Variants in MYOM2 observed in about 807,000 individuals in gnomAD.
The protein encoded by MYOM2 is myomesin-2.
A neutral mutation model predicts 187.6 loss-of-function variants in MYOM2; 254 were observed. The ratio of observed to expected loss-of-function variants is 1.35; its 90% CI spans 1.22 to 1.50. The LOEUF is 1.50. Among genes scored for constraint, MYOM2 ranks in the 40% most tolerant of loss-of-function variants. The probability of loss-of-function intolerance (pLI) is 0.00; values close to 1 mark genes in which losing one functional copy is unlikely to be tolerated. For missense variants in MYOM2, 2,796 were observed against 1,924.0 expected (o/e 1.45, Z -8.48); for synonymous variants, 981 against 753.8 (o/e 1.30, Z -4.94).
At chr8:2,113,143 G>A (rs935851878) in intron 25 of MYOM2, among the ~76,000 whole-genome samples, 6 of 152,304 alleles carry the variant, frequency 3.9e-5, no homozygotes, top group South Asian at 4.1e-4. Flanking sequence ...AGCCGAGGCC[G>A]GGCATCCACA....
intron 28 of MYOM2, among the ~76,000 whole-genome samples, chr8:2,118,217 C>T (rs760287203): frequency 4.6e-5 from 7 of 151,984 alleles, no homozygotes; most frequent in African/African-American, 7.3e-5. Context: ...TTTACTTAAA[C>T]GATTATTAAG....
At chr8:2,098,274 T>A (rs1280625607) in intron 18 of MYOM2, among the ~76,000 whole-genome samples, 1 of 152,100 alleles carries the variant, frequency 6.6e-6, no homozygotes, top group Non-Finnish European at 1.5e-5. Flanking sequence ...GCTCGTAGTG[T>A]TGGTCAAAGG....
intron 3 of MYOM2, among the ~76,000 whole-genome samples, chr8:2,056,792 C>T (rs1818680793): frequency 6.6e-6 from 1 of 152,114 alleles, no homozygotes; most frequent in Non-Finnish European, 1.5e-5. Flanking sequence ...CCCAGTAGCA[C>T]CTAACAGTTT....
intron 14 of MYOM2, among the ~76,000 whole-genome samples, chr8:2,088,425 C>A (rs187194475): frequency 8.2e-4 from 125 of 152,328 alleles, no homozygotes; most frequent in African/African-American, 2.8e-3. Context: ...TTTTTCAGCC[C>A]TTGCTCTGTC....
intron 10 of MYOM2, among the ~76,000 whole-genome samples, chr8:2,075,237 C>A (rs766195841): frequency 1.2e-4 from 18 of 152,150 alleles, no homozygotes; most frequent in African/African-American, 3.4e-4. Context: ...TGTTGTTAGG[C>A]GGGCGTTAAA....
chr8:2,128,479 C>G (rs913098296), intron 31 of MYOM2, among the ~76,000 whole-genome samples: 1 of 152,174 alleles, frequency 6.6e-6, no homozygotes, highest in African/African-American at 2.4e-5. Flanking sequence ...ATCTCTACTT[C>G]CAGTTCAGAG....
chr8:2,098,858 T>C lies in MYOM2; in HGVS notation c.2315T>C (p.Val772Ala). The change falls in exon 19 of 37, where the codon GTG becomes GCG. Residue 772 changes from valine to alanine, a missense_variant and splice_region_variant. By Grantham distance (64) the Val-to-Ala change is moderately conservative. Coordinates refer to ENST00000262113, the MANE Select transcript of MYOM2 (RefSeq NM_003970.4). ...TTAATTTAAACAAAATCTGAATAGGTGGACGGCTTGACGGAAGGCTCACTC... is the reference window on the plus strand; with the variant it reads ...TTAATTTAAACAAAATCTGAATAGGCGGACGGCTTGACGGAAGGCTCACTC... ...SSPSKPTILT[V>A]DGLTEGSLYE... 2 of 1,610,928 alleles carry C rather than the reference T, an allele frequency of 1.2e-6. No individual in the cohort carries two copies.
chr8:2,047,444 G>C (rs1383943834), intron 1 of MYOM2, among the ~76,000 whole-genome samples: 2 of 152,182 alleles, frequency 1.3e-5, no homozygotes, highest in Non-Finnish European at 2.9e-5. Flanking sequence ...GATAAAAGTG[G>C]AGTTGAGGGC....
intron 14 of MYOM2, among the ~76,000 whole-genome samples, chr8:2,088,314 G>T (rs1448934037): frequency 6.6e-6 from 1 of 152,154 alleles, no homozygotes; most frequent in Non-Finnish European, 1.5e-5. Flanking sequence ...AGCTTCAGGG[G>T]GTACCTGTGC....
chr8:2,090,175 G>C lies in MYOM2; in HGVS notation c.1812G>C (p.Gln604His). The C allele has an allele frequency of 6.2e-7, 1 of 1,613,464 alleles. No individual in the cohort carries two copies. Among genetic ancestry groups the C allele is most frequent in the East Asian group, 2.2e-5 (1 of 44,856 alleles). Residue 604 changes from glutamine to histidine, a missense_variant, in exon 15 of 37, where the codon CAG becomes CAC. Transcript: ENST00000262113. The stretch of plus-strand genomic sequence containing the variant: ...CTTCGGAGATAACGTCCCCCATTCA[G>C]GCCCAGGATGTGACCGGTGAGCTGT... ...SEPSEITSPI[Q>H]AQDVTVVPSA...
At chr8:2,053,894 C>A (rs1400638450) in intron 3 of MYOM2, among the ~76,000 whole-genome samples, 3 of 152,184 alleles carry the variant, frequency 2.0e-5, no homozygotes, top group African/African-American at 7.2e-5. Context: ...TGGGGAAGAT[C>A]GTTTTGAAAT....
At chr8:2,117,030 T>A (rs1423206469) in intron 27 of MYOM2, among the ~76,000 whole-genome samples, 1 of 152,280 alleles carries the variant, frequency 6.6e-6, no homozygotes, top group Non-Finnish European at 1.5e-5. Flanking sequence ...CCCAAAGTGC[T>A]GGGATTACAG....
At chr8:2,120,689 A>ATATATATATATATATATTTATAATAT in intron 28 of MYOM2, among the ~76,000 whole-genome samples, 1 of 42,412 alleles carries the variant, frequency 2.4e-5, no homozygotes, top group African/African-American at 7.5e-5. Context: ...ATTATATATA[A>ATATATATATATATATATTTATAATAT]ATATATAATA....
At chr8:2,092,556 G>A in intron 16 of MYOM2, 36 bp downstream of exon 16, 3 of 1,604,676 alleles carry the variant, frequency 1.9e-6, no homozygotes, top group Non-Finnish European at 2.6e-6. Context: ...AGTCAGCCTT[G>A]CAGGAGTAGC....
chr8:2,045,873 G>C (rs774281905), intron 1 of MYOM2, among the ~76,000 whole-genome samples: 2 of 152,232 alleles, frequency 1.3e-5, no homozygotes, highest in East Asian at 3.9e-4. Context: ...GGAAGGCACC[G>C]GAGGCAAACG....
chr8:2,142,837 C>T (rs1265244737), intron 35 of MYOM2, among the ~76,000 whole-genome samples: 10 of 150,958 alleles, frequency 6.6e-5, no homozygotes, highest in Non-Finnish European at 1.2e-4. Flanking sequence ...CCCATTGCAA[C>T]CTCTGCCTCC....
At chr8:2,112,124 C>T (rs1324695704) in intron 25 of MYOM2, among the ~76,000 whole-genome samples, 2 of 152,186 alleles carry the variant, frequency 1.3e-5, no homozygotes, top group African/African-American at 2.4e-5. Flanking sequence ...TGTACATCAC[C>T]TGTTGAATAT....
intron 11 of MYOM2, among the ~76,000 whole-genome samples, chr8:2,078,225 C>T (rs915116744): frequency 2.6e-5 from 4 of 152,216 alleles, no homozygotes; most frequent in Non-Finnish European, 4.4e-5. Flanking sequence ...AATGTCCTAA[C>T]ATTATTCTAG....
rs144376387 is a variant in MYOM2, at chr8:2,099,130, G to A, written c.2440+147G>A. The A allele has an allele frequency of 3.1e-4, 338 of 1,106,540 alleles. 1 individual carries two copies. In the African/African-American group the frequency reaches 5.1e-3, roughly 17 times the overall value. The allele number at this position is 1,106,540 out of a possible 1,614,324, so 68.5% of individuals were successfully genotyped here. A position where few individuals can be genotyped will look rare whatever the true frequency, so the allele number is the denominator to read the frequency against. On this transcript the variant is annotated intron_variant, in intron 19 of 36. Coordinates refer to ENST00000262113, the MANE Select transcript of MYOM2 (RefSeq NM_003970.4). Reference sequence around the variant, plus strand: ...GCCGCAGAGCCACCGTGCGCCAGGCGCCGTGCAGGGCTGTGAATCAGGCAG... The same window carrying A: ...GCCGCAGAGCCACCGTGCGCCAGGCACCGTGCAGGGCTGTGAATCAGGCAG...
Sources: allele counts gnomAD v4.1 joint callset (sites outside exome capture counted in the v4.1 genomes callset), GRCh38; gene constraint gnomAD v4.1.1; transcripts MANE v1.5; gene names NCBI Gene and HGNC (gene_info 2026-07-23, HGNC 2026-07-21).